FAM163A: variants seen among roughly 807,000 people sequenced by gnomAD.
FAM163A encodes the protein protein FAM163A.
Under a neutral mutation model 12.0 loss-of-function variants are expected in FAM163A, and 7 were observed. The observed-to-expected ratio is 0.58, with a 90% CI of 0.33 to 1.10. The LOEUF is 1.10. Ranked by LOEUF, FAM163A falls within the 50% of genes least tolerant of loss-of-function variation. The pLI, the probability that FAM163A is intolerant of heterozygous loss-of-function variation, is 0.03. For missense variants in FAM163A, 202 were observed against 218.6 expected (o/e 0.92, Z 0.48); for synonymous variants, 101 against 91.0 (o/e 1.11, Z -0.62).
At chr1:179,731,256 G>A in the FAM163A span, among the ~76,000 whole-genome samples, 1 of 152,202 alleles carries the variant, frequency 6.6e-6, no homozygotes, top group African/African-American at 2.4e-5. Flanking sequence ...GACCTGGGAA[G>A]AGAGAAGGTA....
the FAM163A span, among the ~76,000 whole-genome samples, chr1:179,734,432 G>A: frequency 6.6e-6 from 1 of 152,140 alleles, no homozygotes; most frequent in Non-Finnish European, 1.5e-5. Context: ...ATCTGTCTTA[G>A]TCTGTTCAGG....
At chr1:179,785,506 C>T (rs1369294044) in intron 1 of FAM163A, among the ~76,000 whole-genome samples, 1 of 152,106 alleles carries the variant, frequency 6.6e-6, no homozygotes, top group Non-Finnish European at 1.5e-5. Context: ...GCAGCCCAGC[C>T]CACACTCCAG....
chr1:179,772,258 C>G (rs1688383369), intron 1 of FAM163A, among the ~76,000 whole-genome samples: 1 of 152,212 alleles, frequency 6.6e-6, no homozygotes, highest in Non-Finnish European at 1.5e-5. Context: ...GCCCAGAGGT[C>G]CTGTCCCTGC....
chr1:179,789,008 C>T (rs1413085692), intron 1 of FAM163A, among the ~76,000 whole-genome samples: 2 of 152,354 alleles, frequency 1.3e-5, no homozygotes, highest in African/African-American at 2.4e-5. Flanking sequence ...ACTCTCCAGC[C>T]CATGCTGACA....
Position 179,814,027 on chromosome 1 carries a change from C to A in FAM163A, c.342C>A (p.Pro114=), listed in dbSNP as rs746475659. 6.2e-7 allele frequency: 1 copy of A among 1,613,364 alleles called. No homozygotes were observed. The highest frequency in any genetic ancestry group is 8.5e-7 in the Non-Finnish European group (1 of 1,179,538). The part of the protein sequence containing the change: ...PFYIRTADMV[P]NGGGGERLSF... The stretch of plus-strand genomic sequence containing the variant: ...ACATACGGACGGCTGACATGGTGCC[C>A]AATGGGGGTGGAGGCGAGAGGCTCT... Residue 114 remains proline, a synonymous_variant, in exon 5 of 5, where the codon CCC becomes CCA. Transcript: ENST00000341785.
intron 1 of FAM163A, among the ~76,000 whole-genome samples, chr1:179,777,947 C>T (rs1465344600): frequency 1.3e-5 from 2 of 152,210 alleles, no homozygotes; most frequent in African/African-American, 4.8e-5. Flanking sequence ...GCTATCCTCC[C>T]TGCGATCTTC....
At chr1:179,744,906 G>A (rs1035589558) in intron 1 of FAM163A, among the ~76,000 whole-genome samples, 2 of 152,198 alleles carry the variant, frequency 1.3e-5, no homozygotes, top group African/African-American at 4.8e-5. Context: ...CTTCAATCCC[G>A]CATGTTCGCT....
At chr1:179,760,162 T>C (rs1686621338) in intron 1 of FAM163A, among the ~76,000 whole-genome samples, 1 of 151,708 alleles carries the variant, frequency 6.6e-6, no homozygotes, top group Non-Finnish European at 1.5e-5. Context: ...GCCAGAGGAG[T>C]TGGACGGTTA....
chr1:179,767,374 A>G (rs1445192435), intron 1 of FAM163A, among the ~76,000 whole-genome samples: 2 of 152,152 alleles, frequency 1.3e-5, no homozygotes, highest in Non-Finnish European at 2.9e-5. Context: ...GAAGATGTTC[A>G]GGGACTCAGC....
intron 1 of FAM163A, among the ~76,000 whole-genome samples, chr1:179,752,207 C>G (rs373740910): frequency 2.0e-5 from 3 of 152,246 alleles, no homozygotes; most frequent in African/African-American, 7.2e-5. Context: ...AAAGGATAGT[C>G]TCTTCAACAA....
At chr1:179,774,545 G>C (rs1335040340) in intron 1 of FAM163A, among the ~76,000 whole-genome samples, 1 of 152,248 alleles carries the variant, frequency 6.6e-6, no homozygotes, top group Non-Finnish European at 1.5e-5. Context: ...GATCCCCAGT[G>C]ATACAGAGAG....
intron 1 of FAM163A, among the ~76,000 whole-genome samples, chr1:179,797,121 C>T (rs750892255): frequency 6.6e-6 from 1 of 152,168 alleles, no homozygotes; most frequent in Non-Finnish European, 1.5e-5. Context: ...AGGACTGCCC[C>T]CTGCAGAGAA....
At chr1:179,742,392 T>C (rs570302829), upstream of FAM163A, 1 of 152,308 alleles carries the variant, frequency 6.6e-6, no homozygotes, top group South Asian at 2.1e-4. Flanking sequence ...ACTGTTGATG[T>C]AGTGGGAACG....
chr1:179,758,375 C>CTGTCTCTAT (rs757281539), intron 1 of FAM163A, among the ~76,000 whole-genome samples: 4 of 152,146 alleles, frequency 2.6e-5, no homozygotes, highest in Non-Finnish European at 5.9e-5. Flanking sequence ...CTTTTTCTTT[C>CTGTCTCTAT]TGTCTCTATT....
Position 179,814,152 on chromosome 1 carries a change from C to A in FAM163A, c.467C>A (p.Ala156Asp), listed in dbSNP as rs11589593. The stretch of plus-strand genomic sequence containing the variant: ...ACCTGGCCAGGCTCTGGGCGTGAGG[C>A]CTTCACCAATCCAAGGGCTATTAGT... Reference protein sequence around the residue: ...PVTWPGSGREAFTNPRAISTD... With the variant: ...PVTWPGSGREDFTNPRAISTD... Residue 156 changes from alanine (A) to aspartate (D), a missense_variant, in exon 5 of 5, where the codon GCC becomes GAC. Ala to Asp is a moderately radical substitution (Grantham distance 126, BLOSUM62 -2). Transcript: ENST00000341785. 153 of 1,614,174 alleles carry A rather than the reference C, an allele frequency of 9.5e-5. No individual in the cohort carries two copies. In the South Asian group the frequency reaches 1.3e-3, roughly 13 times the overall value.
chr1:179,774,132 T>C (rs1424654343), intron 1 of FAM163A, among the ~76,000 whole-genome samples: 1 of 152,252 alleles, frequency 6.6e-6, no homozygotes, highest in Non-Finnish European at 1.5e-5. Context: ...GCAGCCTTGC[T>C]GAACCTCACT....
rs551721519 is a variant in FAM163A at position 179,807,425 on chromosome 1, G to GAC, written c.-135-369_-135-368dup. Among the ~76,000 whole-genome samples the GAC allele has an allele frequency of 3.7e-3, 567 of 152,244 alleles. 3 individuals are homozygous for GAC. Among genetic ancestry groups the GAC allele is most frequent in the African/African-American group, 0.013 (540 of 41,536 alleles). ...CAGGGTCAGTCATGCAGGCAACAAG[G>GAC]ACACATCCACTGAGCACAGATCCAG... On this transcript the variant is annotated intron_variant, in intron 1 of 4. Transcript: ENST00000341785.
chr1:179,754,469 G>A (rs1685725393), intron 1 of FAM163A, among the ~76,000 whole-genome samples: 3 of 152,074 alleles, frequency 2.0e-5, no homozygotes, highest in African/African-American at 7.2e-5. Flanking sequence ...TGCAATGGCT[G>A]TATCAGAAAG....
chr1:179,733,485 G>C, the FAM163A span, among the ~76,000 whole-genome samples: 1 of 152,164 alleles, frequency 6.6e-6, no homozygotes, highest in Admixed American at 6.5e-5. Flanking sequence ...TGAAAAACAT[G>C]TAAAGCTAAA....
Sources: gnomAD v4.1 joint callset for allele counts (sites outside exome capture counted in the v4.1 genomes callset) on GRCh38, gnomAD v4.1.1 for gene constraint, MANE v1.5 for transcripts, NCBI Gene and HGNC (gene_info 2026-07-23, HGNC 2026-07-21) for gene names.